The following DNER variants were observed in gnomAD, a reference collection of about 807,000 sequenced individuals.
The protein encoded by DNER is delta and Notch-like epidermal growth factor-related receptor.
Under a neutral mutation model 78.2 loss-of-function variants are expected in DNER, and 33 were observed. The ratio of observed to expected loss-of-function variants is 0.42; its 90% CI spans 0.32 to 0.56. The LOEUF (loss-of-function observed/expected upper bound fraction) is 0.56. Among genes scored for constraint, DNER ranks in the 20% least tolerant of loss-of-function variants. The probability of loss-of-function intolerance (pLI) is 0.11; values close to 1 mark genes in which losing one functional copy is unlikely to be tolerated. For missense variants in DNER, 918 were observed against 975.3 expected (o/e 0.94, Z 0.78); for synonymous variants, 417 against 384.8 (o/e 1.08, Z -0.98).
At chr2:229,593,405 T>G (rs1697645113) in intron 1 of DNER, among the ~76,000 whole-genome samples, 1 of 152,170 alleles carries the variant, frequency 6.6e-6, no homozygotes, top group Non-Finnish European at 1.5e-5. Context: ...CTTCCTCATC[T>G]CATTCCATCC....
chr2:229,605,166 G>A (rs1445208492), intron 1 of DNER, among the ~76,000 whole-genome samples: 1 of 152,152 alleles, frequency 6.6e-6, no homozygotes, highest in Non-Finnish European at 1.5e-5. Context: ...AAGTGGAAGA[G>A]GTCACCCGTA....
chr2:229,667,067 T>C (rs1699105101), intron 1 of DNER, among the ~76,000 whole-genome samples: 1 of 152,260 alleles, frequency 6.6e-6, no homozygotes, highest in Non-Finnish European at 1.5e-5. Flanking sequence ...GAAATCACTC[T>C]GTATTGTGTC....
intron 5 of DNER, among the ~76,000 whole-genome samples, chr2:229,546,522 G>A (rs1559162881): frequency 6.6e-6 from 1 of 152,234 alleles, no homozygotes; most frequent in Non-Finnish European, 1.5e-5. Flanking sequence ...GATGGCTGGA[G>A]GCCAGGAGTT....
In DNER at chr2:229,586,636, C is replaced by T. The variant is rs1032413639; in HGVS notation, c.681-612G>A. On this transcript the variant is annotated intron_variant, in intron 3 of 12. Transcript: ENST00000341772. ...ACCCCAGCTGCCCTCCTGCGCTTTTCTCCTCACAGCCCAATGCTTCAGCTA... is the reference window on the plus strand; with the variant it reads ...ACCCCAGCTGCCCTCCTGCGCTTTTTTCCTCACAGCCCAATGCTTCAGCTA... 4.5e-5 allele frequency: 44 copies of T among 984,130 alleles called. No homozygotes were observed. In the African/African-American group the frequency reaches 6.8e-4, roughly 15 times the overall value. 61.0% of individuals were successfully genotyped at this position (984,130 alleles called of 1,614,324 possible). A position where few individuals can be genotyped will look rare whatever the true frequency, so the allele number is the denominator to read the frequency against.
chr2:229,469,901 G>A (rs1283729416), intron 7 of DNER, among the ~76,000 whole-genome samples: 12 of 152,130 alleles, frequency 7.9e-5, no homozygotes, highest in African/African-American at 2.2e-4. Context: ...CCAAGATCGC[G>A]CCATTGCACT....
At chr2:229,638,915 G>C (rs775285061) in intron 1 of DNER, among the ~76,000 whole-genome samples, 1 of 152,148 alleles carries the variant, frequency 6.6e-6, no homozygotes, top group Non-Finnish European at 1.5e-5. Context: ...AAAGCCTCAA[G>C]GCCAGGTCTC....
intron 8 of DNER, among the ~76,000 whole-genome samples, chr2:229,418,536 A>T (rs1559346429): frequency 6.6e-6 from 1 of 152,006 alleles, no homozygotes; most frequent in African/African-American, 2.4e-5. Flanking sequence ...CCAGTCACTG[A>T]GTGTGTCTGC....
chr2:229,588,297 T>C, intron 3 of DNER, 97 bp downstream of exon 3: 1 of 1,100,362 alleles, frequency 9.1e-7, no homozygotes, highest in African/African-American at 1.5e-5. Context: ...GATTCTCACT[T>C]GACAGGCCAC....
At chr2:229,450,015 C>T (rs1164104190) in intron 7 of DNER, among the ~76,000 whole-genome samples, 6 of 152,126 alleles carry the variant, frequency 3.9e-5, no homozygotes, top group South Asian at 2.1e-4. Flanking sequence ...CTCCTGACCT[C>T]GTGATCAACC....
At chr2:229,429,643 G>A (rs1693963326) in intron 8 of DNER, among the ~76,000 whole-genome samples, 3 of 152,142 alleles carry the variant, frequency 2.0e-5, no homozygotes, top group Admixed American at 6.5e-5. Context: ...CCTGAAGGAC[G>A]CCATTACCCT....
chr2:229,430,506 G>A (rs1336830291), intron 8 of DNER, among the ~76,000 whole-genome samples: 1 of 152,192 alleles, frequency 6.6e-6, no homozygotes, highest in East Asian at 1.9e-4. Context: ...AGAAAAATGT[G>A]AAAAGAGAGA....
rs186663606 is a variant in DNER, at chr2:229,391,644, C to T, written c.1724-3248G>A. Among the ~76,000 whole-genome samples the T allele has an allele frequency of 3.7e-3, 558 of 152,236 alleles. 4 individuals are homozygous for T. Among genetic ancestry groups the T allele is most frequent in the African/African-American group, 0.013 (536 of 41,536 alleles). On this transcript the variant is annotated intron_variant, in intron 10 of 12. Transcript: ENST00000341772. Reference sequence around the variant, plus strand: ...GCAACCTCCGCCTCCCAGGTTCAAGCGATTCTCCTGCCTCAGCCTCCCCAG... The same window carrying T: ...GCAACCTCCGCCTCCCAGGTTCAAGTGATTCTCCTGCCTCAGCCTCCCCAG...
At chr2:229,589,637 C>T (rs551569713) in intron 2 of DNER, among the ~76,000 whole-genome samples, 2 of 152,110 alleles carry the variant, frequency 1.3e-5, no homozygotes, top group South Asian at 4.2e-4. Context: ...TTCTTTTTTA[C>T]ACTTACCAAC....
rs148162127 is a variant in DNER, at chr2:229,375,405, G to C, written c.1856-8286C>G. 2.2e-3 allele frequency among the ~76,000 whole-genome samples: 336 copies of C among 152,236 alleles called. 2 individuals are homozygous for C. The highest frequency in any genetic ancestry group is 7.7e-3 in the African/African-American group (322 of 41,556). On this transcript the variant is annotated intron_variant, in intron 11 of 12. Coordinates refer to ENST00000341772, the MANE Select transcript of DNER (RefSeq NM_139072.4). ...TCAAAACAGCTCAACTCACAGAATT[G>C]AGTTATCAACCACAAAACTCCACAA...
intron 5 of DNER, among the ~76,000 whole-genome samples, chr2:229,529,868 A>G (rs967408201): frequency 1.3e-5 from 2 of 152,128 alleles, no homozygotes; most frequent in Admixed American, 1.3e-4. Flanking sequence ...TTAGCTGGGC[A>G]TAAGTTGGTA....
At chr2:229,381,939 G>T (rs1194286783) in intron 11 of DNER, among the ~76,000 whole-genome samples, 1 of 152,196 alleles carries the variant, frequency 6.6e-6, no homozygotes, top group Non-Finnish European at 1.5e-5. Context: ...TAAAGGACAG[G>T]CTGCCTCCTC....
At chr2:229,597,044 C>T (rs796599197) in intron 1 of DNER, among the ~76,000 whole-genome samples, 1 of 146,982 alleles carries the variant, frequency 6.8e-6, no homozygotes, top group African/African-American at 2.5e-5. Flanking sequence ...TATACATGTA[C>T]ACACATGCAC....
intron 12 of DNER, among the ~76,000 whole-genome samples, chr2:229,361,680 C>A (rs1379001827): frequency 6.6e-6 from 1 of 152,054 alleles, no homozygotes; most frequent in Non-Finnish European, 1.5e-5. Flanking sequence ...ATCCCACATC[C>A]CTTCCATTCA....
chr2:229,574,411 C>A (rs955306957), intron 4 of DNER, among the ~76,000 whole-genome samples: 5 of 152,034 alleles, frequency 3.3e-5, no homozygotes, highest in African/African-American at 1.2e-4. Context: ...CCCTATACCA[C>A]CACAAAGAAA....
Sources: allele counts gnomAD v4.1 joint callset (sites outside exome capture counted in the v4.1 genomes callset), GRCh38; gene constraint gnomAD v4.1.1; transcripts MANE v1.5; gene names NCBI Gene and HGNC (gene_info 2026-07-23, HGNC 2026-07-21).